The following CSNK2A1 variants were observed in gnomAD, a reference collection of about 807,000 sequenced individuals.
CSNK2A1 encodes casein kinase II subunit alpha.
In CSNK2A1, 10 loss-of-function variants were observed where a neutral mutation model predicts 62.9. The ratio of observed to expected loss-of-function variants is 0.16; its 90% CI spans 0.10 to 0.27. The LOEUF is 0.27. Ranked by LOEUF, CSNK2A1 falls within the 10% of genes least tolerant of loss-of-function variation. The pLI, the probability that CSNK2A1 is intolerant of heterozygous loss-of-function variation, is 1.00. For synonymous variants in CSNK2A1, 124 were observed against 167.8 expected (o/e 0.74, Z 2.02); for missense variants, 160 against 492.0 (o/e 0.33, Z 6.38).
chr20:506,156 G>T (rs139792975), intron 3 of CSNK2A1: 8 of 152,232 alleles, frequency 5.3e-5, no homozygotes, highest in Non-Finnish European at 1.0e-4. Context: ...GATTACAGGC[G>T]TGAGCCACCG....
chr20:485,066 CAAAAAAAAAAAAA>C (rs1157352244), intron 13 of CSNK2A1, among the ~76,000 whole-genome samples: 3 of 22,028 alleles, frequency 1.4e-4, no homozygotes, highest in African/African-American at 3.9e-4. Context: ...ACCTTGTCTC[CAAAAAAAAAAAAA>C]AAAAAAAAAA....
In CSNK2A1 at chr20:488,658, T is replaced by A. The variant is rs1274592995; in HGVS notation, c.824+20A>T. Reference sequence around the variant, plus strand: ...AAAGTGCTTAAGCCACAGATGCACATATTTTGTTTCATGACTTACCTGCCC... The same window carrying A: ...AAAGTGCTTAAGCCACAGATGCACAAATTTTGTTTCATGACTTACCTGCCC... On this transcript the variant is annotated intron_variant, in intron 11 of 13. Coordinates refer to ENST00000217244, the MANE Select transcript of CSNK2A1 (RefSeq NM_177559.3). The A allele has an allele frequency of 2.5e-6, 4 of 1,609,830 alleles. No individual in the cohort carries two copies. In the South Asian group the frequency reaches 4.4e-5, roughly 18 times the overall value.
chr20:484,954 C>T (rs2018039428), intron 13 of CSNK2A1, among the ~76,000 whole-genome samples: 1 of 148,478 alleles, frequency 6.7e-6, no homozygotes, highest in Non-Finnish European at 1.5e-5. Context: ...GTAGTCCCAG[C>T]TACCTGGGAG....
chr20:532,950 A>T (rs1230405309), intron 1 of CSNK2A1, among the ~76,000 whole-genome samples: 2 of 152,204 alleles, frequency 1.3e-5, no homozygotes, highest in Non-Finnish European at 2.9e-5. Flanking sequence ...AACGGTAAAA[A>T]TGTATGATTA....
intron 1 of CSNK2A1, among the ~76,000 whole-genome samples, chr20:538,880 C>T (rs1034954865): frequency 1.3e-5 from 2 of 152,130 alleles, no homozygotes; most frequent in Admixed American, 6.5e-5. Flanking sequence ...GGAAGAACCA[C>T]CTATTTACAG....
intron 8 of CSNK2A1, among the ~76,000 whole-genome samples, chr20:493,968 T>C (rs2018293171): frequency 6.6e-6 from 1 of 152,156 alleles, no homozygotes; most frequent in Non-Finnish European, 1.5e-5. Flanking sequence ...TAATATTATA[T>C]GGTATGGATA....
chr20:538,728 A>G (rs372812043), intron 1 of CSNK2A1, among the ~76,000 whole-genome samples: 2 of 152,208 alleles, frequency 1.3e-5, no homozygotes. Context: ...GAACAGAGAG[A>G]CAGTTACAAA....
intron 2 of CSNK2A1, among the ~76,000 whole-genome samples, chr20:515,369 C>T (rs868250346): frequency 2.6e-5 from 4 of 152,174 alleles, no homozygotes; most frequent in East Asian, 1.9e-4. Flanking sequence ...ATCATTCAAA[C>T]GAAGATTCTG....
intron 7 of CSNK2A1, 40 bp downstream of exon 7, chr20:497,681 G>T: frequency 1.3e-6 from 2 of 1,521,930 alleles, no homozygotes; most frequent in South Asian, 2.3e-5. Context: ...ACAAAAAGAA[G>T]ACCAATTTAA....
At chr20:488,304 C>A (rs949438959) in intron 11 of CSNK2A1, 1 of 200,108 alleles carries the variant, frequency 5.0e-6, no homozygotes, top group Non-Finnish European at 1.0e-5. Flanking sequence ...CGTGCCCAGC[C>A]TGCACATCAG....
Position 488,787 on chromosome 20 carries a change from A to G in CSNK2A1, c.724-9T>C. The G allele has an allele frequency of 2.5e-6, 4 of 1,601,768 alleles. No individual in the cohort carries two copies. Among genetic ancestry groups the G allele is most frequent in the Non-Finnish European group, 3.4e-6 (4 of 1,173,950 alleles). ...TTGGCTATCCTCACCAACTAGTATT[A>G]AAGAAAGACAAAAACCCATATCACA... is the stretch of plus-strand genomic sequence containing the variant. On this transcript the variant is annotated splice_polypyrimidine_tract_variant and intron_variant, in intron 10 of 13. Transcript: ENST00000217244.
chr20:524,034 A>G (rs1427747452), intron 2 of CSNK2A1, among the ~76,000 whole-genome samples: 1 of 152,022 alleles, frequency 6.6e-6, no homozygotes, highest in East Asian at 1.9e-4. Context: ...TAAAATTCAT[A>G]GAACAGTATA....
intron 3 of CSNK2A1, among the ~76,000 whole-genome samples, chr20:505,539 T>C (rs1260384677): frequency 1.3e-5 from 2 of 151,716 alleles, no homozygotes. Flanking sequence ...TTTTGAATTT[T>C]TAGTAGAGAC....
intron 2 of CSNK2A1, among the ~76,000 whole-genome samples, chr20:523,517 G>A (rs1361087822): frequency 6.6e-6 from 1 of 152,158 alleles, no homozygotes; most frequent in African/African-American, 2.4e-5. Flanking sequence ...AATCTCAGAG[G>A]CAGTATGCTG....
At position 499,320 on chromosome 20, in the gene CSNK2A1, C is replaced by T; in HGVS notation, c.316-15G>A. 1 of 1,604,952 alleles carries T rather than the reference C, an allele frequency of 6.2e-7. No homozygotes were observed. Among genetic ancestry groups the T allele is most frequent in the Non-Finnish European group, 8.5e-7 (1 of 1,176,330 alleles). ...GGGGTTCGTGACTAGGGGAAAAGAA[C>T]AAAAACAAAAACACACATTAGCAAT... On this transcript the variant is annotated splice_polypyrimidine_tract_variant and intron_variant, in intron 5 of 13. Transcript: ENST00000217244. This position sits in a 1 kb window ranked among gnomAD's most constrained non-coding sequence, Gnocchi z 4.2.
At chr20:522,003 C>T (rs557370775) in intron 2 of CSNK2A1, among the ~76,000 whole-genome samples, 23 of 152,312 alleles carry the variant, frequency 1.5e-4, no homozygotes, top group African/African-American at 5.5e-4. Context: ...CAGTTCATGG[C>T]CTGTTAGGAA....
intron 2 of CSNK2A1, among the ~76,000 whole-genome samples, chr20:525,900 GAGTCT>G (rs1299422142): frequency 1.3e-5 from 2 of 149,736 alleles, no homozygotes; most frequent in African/African-American, 4.9e-5. Flanking sequence ...AACTATTCAG[GAGTCT>G]GAGATGGGAG....
chr20:511,928 G>C (rs2018730189), intron 2 of CSNK2A1, among the ~76,000 whole-genome samples: 1 of 152,118 alleles, frequency 6.6e-6, no homozygotes, highest in Non-Finnish European at 1.5e-5. Flanking sequence ...TGAAGAACCA[G>C]CATATTGTTT....
chr20:482,908 T>C lies in CSNK2A1; in HGVS notation c.*1053A>G, dbSNP rs936701150. 6.6e-6 allele frequency: 1 copy of C among 152,560 alleles called. No homozygotes were observed. Among genetic ancestry groups the C allele is most frequent in the African/African-American group, 2.4e-5 (1 of 41,416 alleles). 9.5% of individuals were successfully genotyped at this position (152,560 alleles called of 1,614,324 possible). On this transcript the variant is annotated 3_prime_UTR_variant, in exon 14 of 14. Transcript: ENST00000217244. Reference sequence around the variant, plus strand: ...ACCTCTCAAGATACATTTACAAGACTGAGGAGCAGGTCTTCTCACTGGATG... The same window carrying C: ...ACCTCTCAAGATACATTTACAAGACCGAGGAGCAGGTCTTCTCACTGGATG...
Sources: allele counts gnomAD v4.1 joint callset (sites outside exome capture counted in the v4.1 genomes callset), GRCh38; gene constraint gnomAD v4.1.1; non-coding constraint Gnocchi (gnomAD v3.1); transcripts MANE v1.5; gene names NCBI Gene and HGNC (gene_info 2026-07-23, HGNC 2026-07-21).